CHRDL1: variants seen among roughly 807,000 people sequenced by gnomAD.
CHRDL1 encodes chordin like 1.
In CHRDL1, 19 loss-of-function variants were observed where a neutral mutation model predicts 40.9. The ratio of observed to expected loss-of-function variants is 0.46; its 90% confidence interval spans 0.32 to 0.68. The LOEUF is 0.68. Ranked by LOEUF, CHRDL1 falls within the 30% of genes least tolerant of loss-of-function variation. CHRDL1 has a pLI of 0.03. For synonymous variants in CHRDL1, 136 were observed against 123.4 expected (o/e 1.10, Z -0.68); for missense variants, 329 against 352.1 (o/e 0.93, Z 0.53).
rs34067592 is a variant in CHRDL1 at position 110,689,442 on chromosome X, A to C, written c.779-639T>G. On this transcript the variant is annotated intron_variant, in intron 8 of 11. Transcript: ENST00000372042. Reference sequence around the variant, plus strand: ...TATATATCTATATATCTATATATCTATATATATCTATATATCTATATATAT... The same window carrying C: ...TATATATCTATATATCTATATATCTCTATATATCTATATATCTATATATAT... Among the ~76,000 whole-genome samples, 308 of 42,130 alleles carry C rather than the reference A, an allele frequency of 7.3e-3. 2 individuals are homozygous for C. Among genetic ancestry groups the C allele is most frequent in the Middle Eastern group, 9.2e-3 (1 of 109 alleles). The allele number at this position is 42,130 out of a possible 115,157, so 36.6% of individuals were successfully genotyped here. A position where few individuals can be genotyped will look rare whatever the true frequency, so the allele number is the denominator to read the frequency against.
At chrX:110,777,070 G>T (rs1473693456) in intron 2 of CHRDL1, among the ~76,000 whole-genome samples, 1 of 111,441 alleles carries the variant, frequency 9.0e-6, no homozygotes, top group Non-Finnish European at 1.9e-5. Context: ...ACCTATTCCA[G>T]AATGTCATAT....
At chrX:110,732,876 T>G (rs2071192784) in intron 4 of CHRDL1, among the ~76,000 whole-genome samples, 1 of 112,149 alleles carries the variant, frequency 8.9e-6, no homozygotes, top group African/African-American at 3.2e-5. Context: ...AGGCTTCAGT[T>G]TCTAAAGAAC....
intron 3 of CHRDL1, among the ~76,000 whole-genome samples, chrX:110,760,172 G>A (rs758631525): frequency 3.6e-5 from 4 of 112,466 alleles, no homozygotes; most frequent in African/African-American, 1.3e-4. Context: ...CCTGGGCAAG[G>A]AGGCATCCCT....
At chrX:110,697,834 ACACACACAC>A (rs2070425658) in intron 7 of CHRDL1, among the ~76,000 whole-genome samples, 1 of 85,696 alleles carries the variant, frequency 1.2e-5, no homozygotes, top group African/African-American at 6.8e-5. Flanking sequence ...ACACACACAC[ACACACACAC>A]ACACACACAC....
intron 1 of CHRDL1, among the ~76,000 whole-genome samples, chrX:110,793,256 A>G (rs1480602366): frequency 8.9e-6 from 1 of 112,497 alleles, no homozygotes; most frequent in Non-Finnish European, 1.9e-5. Context: ...AGAGTTGAAT[A>G]TCTTTGGGCT....
intron 9 of CHRDL1, 88 bp downstream of exon 9, chrX:110,688,504 GAA>G: frequency 1.8e-6 from 1 of 571,028 alleles, no homozygotes; most frequent in Non-Finnish European, 3.0e-6. Flanking sequence ...ACAATTATAT[GAA>G]AGGTTATGTT....
intron 4 of CHRDL1, among the ~76,000 whole-genome samples, chrX:110,737,133 G>A (rs1461018865): frequency 9.0e-6 from 1 of 111,626 alleles, no homozygotes; most frequent in Non-Finnish European, 1.9e-5. Flanking sequence ...TCTTACACAC[G>A]GACACACAGA....
At position 110,674,485 on chromosome X, in the gene CHRDL1, A is replaced by ACG. The variant is rs1325685564; in HGVS notation, c.*1745_*1746insCG. 1 of 108,533 alleles carries ACG rather than the reference A, an allele frequency of 9.2e-6. No individual in the cohort carries two copies. The highest frequency in any genetic ancestry group is 2.9e-4 in the East Asian group (1 of 3,460). 8.9% of individuals were successfully genotyped at this position (108,533 alleles called of 1,213,427 possible). ...CACACACACACACACACACACACAC[A>ACG]CACACACACACACACACACAAACTA... is the stretch of plus-strand genomic sequence containing the variant. On this transcript the variant is annotated 3_prime_UTR_variant, in exon 12 of 12. Transcript: ENST00000372042.
At chrX:110,747,394 A>C (rs1300913487) in intron 4 of CHRDL1, among the ~76,000 whole-genome samples, 2 of 75,322 alleles carry the variant, frequency 2.7e-5, no homozygotes, top group African/African-American at 9.8e-5. Flanking sequence ...ACCAAAAAAA[A>C]AAAAATCAAA....
intron 4 of CHRDL1, among the ~76,000 whole-genome samples, chrX:110,744,722 G>C (rs184620252): frequency 9.0e-6 from 1 of 111,240 alleles, no homozygotes; most frequent in African/African-American, 3.3e-5. Context: ...GCCAGACGTA[G>C]CCACTAAGCC....
At chrX:110,725,616 C>T (rs373450870) in intron 4 of CHRDL1, among the ~76,000 whole-genome samples, 1 of 111,462 alleles carries the variant, frequency 9.0e-6, no homozygotes, top group African/African-American at 3.3e-5. Context: ...CCCACTCTCC[C>T]CACCCTATAA....
intron 9 of CHRDL1, among the ~76,000 whole-genome samples, chrX:110,684,227 A>AGTTTGTTATT (rs2069959339): frequency 8.9e-6 from 1 of 112,386 alleles, no homozygotes; most frequent in African/African-American, 3.2e-5. Flanking sequence ...TATTGGTCCT[A>AGTTTGTTATT]GTTTGTTATT....
At chrX:110,696,743 G>A (rs1386412095) in intron 7 of CHRDL1, among the ~76,000 whole-genome samples, 1 of 111,097 alleles carries the variant, frequency 9.0e-6, no homozygotes, top group Non-Finnish European at 1.9e-5. Context: ...CCTGGGTCCC[G>A]CTCTGAGGTA....
Position 110,756,431 on chromosome X carries a change from G to A in CHRDL1, c.301+3230C>T, listed in dbSNP as rs918282769. On this transcript the variant is annotated intron_variant, in intron 4 of 11. Transcript: ENST00000372042. ...TCACACTACTCGCATGTAAACAGGG[G>A]CTGACATAGCTCTCCCCACTCAGTG... 2.7e-5 allele frequency among the ~76,000 whole-genome samples: 3 copies of A among 110,957 alleles called. No individual in the cohort carries two copies. In the Admixed American group the frequency reaches 2.9e-4, roughly 11 times the overall value.
intron 1 of CHRDL1, among the ~76,000 whole-genome samples, chrX:110,794,301 T>G (rs971166509): frequency 8.9e-6 from 1 of 112,309 alleles, no homozygotes; most frequent in Non-Finnish European, 1.9e-5. Flanking sequence ...CCCAGTTAAC[T>G]GGAGTTATTT....
intron 7 of CHRDL1, among the ~76,000 whole-genome samples, chrX:110,699,419 C>T (rs945613709): frequency 8.9e-6 from 1 of 111,781 alleles, no homozygotes; most frequent in African/African-American, 3.3e-5. Flanking sequence ...TCCCTGGACT[C>T]CTGCCTCATA....
At chrX:110,687,070 TTG>T (rs1421957009) in intron 9 of CHRDL1, among the ~76,000 whole-genome samples, 1 of 110,581 alleles carries the variant, frequency 9.0e-6, no homozygotes, top group African/African-American at 3.3e-5. Context: ...GAGGAAGATT[TTG>T]TGTCATAAAT....
At chrX:110,685,221 TTTTG>T (rs1239887231) in intron 9 of CHRDL1, among the ~76,000 whole-genome samples, 1 of 112,112 alleles carries the variant, frequency 8.9e-6, no homozygotes, top group Non-Finnish European at 1.9e-5. Flanking sequence ...CCTCCAGTCT[TTTTG>T]TTTCTTTTTT....
At chrX:110,689,765 A>C (rs191389921) in intron 8 of CHRDL1, among the ~76,000 whole-genome samples, 1 of 16,768 alleles carries the variant, frequency 6.0e-5, no homozygotes, top group East Asian at 8.9e-4. Context: ...CTATATATCT[A>C]TATATATCTA....
Sources: gnomAD v4.1 joint callset for allele counts (sites outside exome capture counted in the v4.1 genomes callset) on GRCh38, gnomAD v4.1.1 for gene constraint, MANE v1.5 for transcripts, NCBI Gene and HGNC (gene_info 2026-07-23, HGNC 2026-07-21) for gene names.